Variants in BRWD1 observed in about 807,000 individuals in gnomAD.
BRWD1 encodes the protein bromodomain and WD repeat domain containing 1.
Under a neutral mutation model 251.2 loss-of-function variants are expected in BRWD1, and 82 were observed. The ratio of observed to expected loss-of-function variants is 0.33; its 90% CI spans 0.27 to 0.39. The LOEUF (loss-of-function observed/expected upper bound fraction) is 0.39, where lower values mean the gene tolerates loss of function less well. Among genes scored for constraint, BRWD1 ranks in the 10% least tolerant of loss-of-function variants. BRWD1 has a pLI of 1.00. For synonymous variants in BRWD1, 918 were observed against 902.8 expected, an observed-to-expected ratio of 1.02 and a Z score of -0.30; for missense variants, 2,233 against 2,711.6, an observed-to-expected ratio of 0.82 and a Z score of 3.92.
At chr21:39,213,953 T>C (rs1204562481) in intron 32 of BRWD1, among the ~76,000 whole-genome samples, 4 of 150,452 alleles carry the variant, frequency 2.7e-5, no homozygotes, top group Non-Finnish European at 5.9e-5. Context: ...AAAAAGGAAT[T>C]GAAATTAAAG....
Position 39,198,986 on chromosome 21 carries a change from C to T in BRWD1, c.5430G>A (p.Ala1810=), listed in dbSNP as rs141349834. 1.1e-5 allele frequency: 18 copies of T among 1,613,968 alleles called. No individual in the cohort carries two copies. Among genetic ancestry groups the T allele is most frequent in the Middle Eastern group, 3.3e-4 (2 of 6,062 alleles). ...GRKYNTFHKN[A]SFFKKTKILS... ...GAATCTTGGTTTTTTTAAAGAAACT[C>T]GCATTCTTGTGAAATGTATTGTATT... is the stretch of plus-strand genomic sequence containing the variant. Residue 1810 remains alanine, a synonymous_variant, in exon 40 of 41, where the codon GCG becomes GCA. Coordinates refer to ENST00000342449, the MANE Select transcript of BRWD1 (RefSeq NM_033656.4).
In BRWD1 at chr21:39,189,517, A is replaced by G. The variant is rs776470980; in HGVS notation, c.*6742T>C. The G allele has an allele frequency of 9.3e-5, 91 of 981,804 alleles. No individual in the cohort carries two copies. The highest frequency in any genetic ancestry group is 1.0e-4 in the Non-Finnish European group (85 of 826,778). The allele number at this position is 981,804 out of a possible 1,614,324, so 60.8% of individuals were successfully genotyped here. ...AACTAAAATCAGGTTTTTAAAAAAT[A>G]CTTAAGGAAATTTGAACTTCAGTAA... On this transcript the variant is annotated 3_prime_UTR_variant, in exon 41 of 41. Coordinates refer to ENST00000342449, the MANE Select transcript of BRWD1 (RefSeq NM_033656.4).
At chr21:39,258,448 C>A in intron 18 of BRWD1, 39 bp downstream of exon 18, 3 of 1,441,996 alleles carry the variant, frequency 2.1e-6, no homozygotes, top group South Asian at 1.5e-5. Context: ...AATTTCAATG[C>A]AGCCATATTC....
intron 4 of BRWD1, chr21:39,312,519 C>G: frequency 4.0e-6 from 1 of 247,182 alleles, no homozygotes; most frequent in Non-Finnish European, 8.0e-6. Context: ...CGAATGAAAC[C>G]GCCCAGTTGA....
chr21:39,313,493 G>A lies in BRWD1; in HGVS notation c.-2C>T, dbSNP rs923106094. 2.8e-5 allele frequency: 37 copies of A among 1,337,646 alleles called. No individual in the cohort carries two copies. The highest frequency in any genetic ancestry group is 3.4e-5 in the Non-Finnish European group (36 of 1,051,062). 82.9% of individuals were successfully genotyped at this position (1,337,646 alleles called of 1,614,324 possible). A position where few individuals can be genotyped will look rare whatever the true frequency, so the allele number is the denominator to read the frequency against. On this transcript the variant is annotated 5_prime_UTR_variant, in exon 1 of 41. Transcript: ENST00000342449. ...TCGGGCGGACGACGGCTCCGCCATGGCCGGGCGCGGGGCGGGAGGCGGGAG... is the reference window on the plus strand; with the variant it reads ...TCGGGCGGACGACGGCTCCGCCATGACCGGGCGCGGGGCGGGAGGCGGGAG...
chr21:39,251,689 T>A (rs932573829), intron 19 of BRWD1, among the ~76,000 whole-genome samples: 5 of 152,186 alleles, frequency 3.3e-5, no homozygotes, highest in African/African-American at 1.2e-4. Flanking sequence ...CCAGCGGGGA[T>A]TTCTAAAGCA....
At chr21:39,317,498 A>G (rs2036710515), upstream of BRWD1, among the ~76,000 whole-genome samples, 2 of 152,242 alleles carry the variant, frequency 1.3e-5, no homozygotes, top group South Asian at 2.1e-4. Flanking sequence ...GCCCAAGGGC[A>G]TATAGCTGGT....
At chr21:39,297,069 T>G (rs2035980837) in intron 5 of BRWD1, 1 of 985,404 alleles carries the variant, frequency 1.0e-6, no homozygotes, top group African/African-American at 1.7e-5. Context: ...TCTGTGACTC[T>G]GAACACTAAT....
At chr21:39,248,641 C>A (rs1601380499) in intron 20 of BRWD1, among the ~76,000 whole-genome samples, 1 of 83,282 alleles carries the variant, frequency 1.2e-5, no homozygotes, top group Non-Finnish European at 2.3e-5. Context: ...CCCTATCTCC[C>A]AAAAAAAAAA....
chr21:39,319,452 C>A (rs1223747948), intron 1 of BRWD1, among the ~76,000 whole-genome samples: 1 of 152,190 alleles, frequency 6.6e-6, no homozygotes, highest in Non-Finnish European at 1.5e-5. Flanking sequence ...TTGGACAAGA[C>A]CTTGGGAACA....
intron 36 of BRWD1, among the ~76,000 whole-genome samples, chr21:39,207,451 AACACACACACACACACACAC>A (rs58765400): frequency 1.5e-5 from 2 of 131,316 alleles, no homozygotes; most frequent in East Asian, 2.1e-4. Flanking sequence ...AAAAAAAGAA[AACACACACACACACACACAC>A]ACACACACAC....
upstream of BRWD1, among the ~76,000 whole-genome samples, chr21:39,318,289 T>A (rs1242755057): frequency 1.3e-5 from 2 of 152,172 alleles, no homozygotes; most frequent in African/African-American, 4.8e-5. Context: ...ATTAGTAGAT[T>A]AGAGTCCATT....
At chr21:39,298,193 A>T in intron 5 of BRWD1, 1 of 1,154,452 alleles carries the variant, frequency 8.7e-7, no homozygotes, top group Non-Finnish European at 1.1e-6. Context: ...ATCTCAGAAT[A>T]AATTCAAGCT....
At chr21:39,281,896 A>G (rs910328821) in intron 8 of BRWD1, among the ~76,000 whole-genome samples, 4 of 139,232 alleles carry the variant, frequency 2.9e-5, no homozygotes, top group Non-Finnish European at 6.4e-5. Context: ...ATATATATGT[A>G]TGTATGTATA....
rs1568909914 is a variant in BRWD1, at chr21:39,245,682, A to G, written c.2481+2019T>C. ...TGGCGCAGTCTCGGCTCACTGCAACATCCACCTCCCGGGTTCAAGCTATTC... is the reference window on the plus strand; with the variant it reads ...TGGCGCAGTCTCGGCTCACTGCAACGTCCACCTCCCGGGTTCAAGCTATTC... On this transcript the variant is annotated intron_variant, in intron 21 of 40. Transcript: ENST00000342449. Among the ~76,000 whole-genome samples the G allele has an allele frequency of 3.3e-5, 5 of 150,212 alleles. No individual in the cohort carries two copies. The South Asian group carries it at 1.0e-3, about 31-fold the overall frequency.
Position 39,293,827 on chromosome 21 carries a change from G to A in BRWD1, c.815C>T (p.Ser272Leu). The change falls in exon 8 of 41, where the codon TCA (serine) becomes TTA (leucine). Residue 272 changes from serine (S) to leucine (L), a missense_variant. Ser to Leu is a moderately radical substitution (Grantham distance 145). Around this residue, in one of 12 missense-constraint regions of BRWD1, gnomAD observed 185 missense variants for 260.6 expected, o/e 0.71. Transcript: ENST00000342449. Reference protein sequence around the residue: ...PVAVLQGHTGSITSLQFSPMA... With the variant: ...PVAVLQGHTGLITSLQFSPMA... ...CAAGTTTACCTGTAAAGATGTAATT[G>A]ATCCTGTGTGTCCTTGGAGCACAGC... is the stretch of plus-strand genomic sequence containing the variant. 2 of 1,613,968 alleles carry A rather than the reference G, an allele frequency of 1.2e-6. No homozygotes were observed. Among genetic ancestry groups the A allele is most frequent in the Non-Finnish European group, 1.7e-6 (2 of 1,179,904 alleles).
intron 34 of BRWD1, 105 bp from the exon 35 acceptor site, chr21:39,211,034 AT>A: frequency 8.5e-7 from 1 of 1,171,244 alleles, no homozygotes; most frequent in South Asian, 1.6e-5. Flanking sequence ...ATAATGTCAT[AT>A]ATGTTGCTCT....
At position 39,186,339 on chromosome 21, in the gene BRWD1, TTCAG is replaced by T. The variant is rs1351536358; in HGVS notation, c.*9916_*9919del. On this transcript the variant is annotated 3_prime_UTR_variant, in exon 41 of 41. Transcript: ENST00000342449. ...CTGAATTAGTCATATCAAGTGGTCA[TTCAG>T]TATGAACTGCAATATTATAAACAAA... 2 of 152,168 alleles carry T rather than the reference TTCAG, an allele frequency of 1.3e-5. No homozygotes were observed. Among genetic ancestry groups the T allele is most frequent in the Non-Finnish European group, 2.9e-5 (2 of 68,036 alleles). The allele number at this position is 152,168 out of a possible 1,614,324, so 9.4% of individuals were successfully genotyped here. A position where few individuals can be genotyped will look rare whatever the true frequency, so the allele number is the denominator to read the frequency against.
intron 4 of BRWD1, among the ~76,000 whole-genome samples, chr21:39,300,827 T>A (rs530299842): frequency 5.3e-5 from 8 of 152,224 alleles, no homozygotes; most frequent in African/African-American, 1.9e-4. Context: ...TTCTCCCCTC[T>A]ATCCTTTCCA....
Sources: allele counts gnomAD v4.1 joint callset (sites outside exome capture counted in the v4.1 genomes callset), GRCh38; gene constraint gnomAD v4.1.1; regional missense constraint gnomAD v4.1.1; transcripts MANE v1.5; gene names NCBI Gene and HGNC (gene_info 2026-07-23, HGNC 2026-07-21).